Variants in DIXDC1 observed in about 807,000 individuals in gnomAD.
DIXDC1 encodes dixin.
Under a neutral mutation model 103.1 loss-of-function variants are expected in DIXDC1, and 64 were observed. That is an observed-to-expected ratio of 0.62 (90% confidence interval 0.51 to 0.76). The LOEUF (loss-of-function observed/expected upper bound fraction) is 0.76. Ranked by LOEUF, DIXDC1 falls within the 30% of genes least tolerant of loss-of-function variation. DIXDC1 has a pLI of 0.00. For missense variants in DIXDC1, 759 were observed against 834.2 expected (o/e 0.91, Z 1.11); for synonymous variants, 266 against 298.5 (o/e 0.89, Z 1.12).
intron 3 of DIXDC1, among the ~76,000 whole-genome samples, chr11:111,971,744 ATATC>A (rs1322873178): frequency 6.6e-6 from 1 of 151,650 alleles, no homozygotes; most frequent in Admixed American, 6.6e-5. Flanking sequence ...ATCTATATCT[ATATC>A]TATATCTATA....
chr11:112,022,395 G>A lies in DIXDC1; in HGVS notation c.*3359G>A, dbSNP rs1555178604. On this transcript the variant is annotated 3_prime_UTR_variant, in exon 20 of 20. Transcript: ENST00000440460. The surrounding 1 kb of genome is among the most constrained non-coding windows in gnomAD (Gnocchi z 4.9). ...TTTCTTAGAAACATGGATGTTTACA[G>A]CCATTGCTTTCAAAGAGATTATTAC... is the stretch of plus-strand genomic sequence containing the variant. The A allele has an allele frequency of 1.3e-5, 2 of 152,592 alleles. No homozygotes were observed. The highest frequency in any genetic ancestry group is 1.9e-4 in the East Asian group (1 of 5,186). The allele number at this position is 152,592 out of a possible 1,614,324, so 9.5% of individuals were successfully genotyped here.
chr11:111,977,226 A>G lies in DIXDC1; in HGVS notation c.656+2243A>G. 3.1e-6 allele frequency: 3 copies of G among 983,224 alleles called. No individual in the cohort carries two copies. Among genetic ancestry groups the G allele is most frequent in the Non-Finnish European group, 3.6e-6 (3 of 830,838 alleles). The allele number at this position is 983,224 out of a possible 1,614,324, so 60.9% of individuals were successfully genotyped here. On this transcript the variant is annotated intron_variant, in intron 5 of 19. Transcript: ENST00000440460. The surrounding 1 kb of genome is among the most constrained non-coding windows in gnomAD (Gnocchi z 6.1). ...CTCCGTCCAGAGCGGTCGGTTGGCC[A>G]GCGGAGCTGGCTTGGGTCGGAGCCC...
intron 10 of DIXDC1, 111 bp downstream of exon 10, chr11:111,989,166 A>G: frequency 2.4e-6 from 2 of 822,358 alleles, no homozygotes; most frequent in Non-Finnish European, 3.6e-6. Flanking sequence ...GCTCTGTGCT[A>G]TTGGTAAAGA....
At chr11:111,996,778 A>T (rs1555175443) in intron 17 of DIXDC1, among the ~76,000 whole-genome samples, 1 of 152,206 alleles carries the variant, frequency 6.6e-6, no homozygotes, top group African/African-American at 2.4e-5. Flanking sequence ...TGAACCCAGG[A>T]GGTGGAGGTT....
At chr11:111,992,563 C>A in intron 11 of DIXDC1, 44 bp downstream of exon 11, 1 of 1,492,436 alleles carries the variant, frequency 6.7e-7, no homozygotes, top group Non-Finnish European at 9.1e-7. Context: ...GCCCCATTAG[C>A]AGAACAGGCT....
intron 1 of DIXDC1, among the ~76,000 whole-genome samples, chr11:111,953,462 C>A (rs1473735355): frequency 6.6e-6 from 1 of 152,048 alleles, no homozygotes. Context: ...CATGGTGAAA[C>A]CCCGTCTCTA....
In DIXDC1 at chr11:111,977,786, A is replaced by C. The variant is rs782729155; in HGVS notation, c.656+2803A>C. 11 of 1,565,510 alleles carry C rather than the reference A, an allele frequency of 7.0e-6. No individual in the cohort carries two copies. The Admixed American group carries it at 2.1e-4, about 30-fold the overall frequency. ...GGAGGGGGACCATGGGAGGGACGCA[A>C]GTCAAATGGTGAGCTGAAGCCACTC... On this transcript the variant is annotated intron_variant, in intron 5 of 19. Coordinates refer to ENST00000440460, the MANE Select transcript of DIXDC1 (RefSeq NM_001037954.4). The surrounding 1 kb of genome is among the most constrained non-coding windows in gnomAD (Gnocchi z 6.1).
At chr11:112,006,830 A>G (rs1000843188) in intron 17 of DIXDC1, among the ~76,000 whole-genome samples, 1 of 152,224 alleles carries the variant, frequency 6.6e-6, no homozygotes, top group African/African-American at 2.4e-5. Context: ...CCAAAGGTAG[A>G]TAAAACCACA....
chr11:111,929,560 G>A (rs369933546), intron 1 of DIXDC1, among the ~76,000 whole-genome samples: 5 of 145,232 alleles, frequency 3.4e-5, no homozygotes, highest in African/African-American at 1.0e-4. Context: ...TCCAGCCTGA[G>A]TGCCGGAGTG....
intron 9 of DIXDC1, among the ~76,000 whole-genome samples, chr11:111,987,726 C>T (rs1279055988): frequency 6.6e-6 from 1 of 151,250 alleles, no homozygotes; most frequent in Non-Finnish European, 1.5e-5. Flanking sequence ...ATGGTGCAGC[C>T]TCAGCTCACT....
intron 2 of DIXDC1, among the ~76,000 whole-genome samples, chr11:111,967,805 AT>A (rs781920231): frequency 2.6e-5 from 4 of 152,188 alleles, no homozygotes; most frequent in Admixed American, 6.5e-5. Context: ...TTGGCTGCTC[AT>A]TACACTTAGG....
intron 1 of DIXDC1, chr11:111,945,795 G>A (rs1301705655): frequency 1.3e-5 from 2 of 152,382 alleles, no homozygotes; most frequent in African/African-American, 4.8e-5. Flanking sequence ...TTGAGACAGA[G>A]TCTTGCTCTG....
chr11:111,929,766 T>TG (rs1555167468), intron 1 of DIXDC1: 19 of 1,281,708 alleles, frequency 1.5e-5, no homozygotes, highest in Non-Finnish European at 2.0e-5. Flanking sequence ...AGCTTTAAAT[T>TG]TTTTTTTTCC....
upstream of DIXDC1, among the ~76,000 whole-genome samples, chr11:111,932,374 T>C (rs1966052638): frequency 6.6e-6 from 1 of 151,362 alleles, no homozygotes; most frequent in African/African-American, 2.4e-5. Context: ...ATTTTAAAAC[T>C]TCATGTGAAA....
At chr11:111,980,708 C>T (rs587681755) in intron 5 of DIXDC1, 29 bp from the exon 6 acceptor site, 22 of 1,569,218 alleles carry the variant, frequency 1.4e-5, no homozygotes, top group South Asian at 3.4e-5. Context: ...TCATAATAAT[C>T]GTTTTTCTTC....
rs1369254139 is a variant in DIXDC1, at chr11:112,021,658, T to C, written c.*2622T>C. On this transcript the variant is annotated 3_prime_UTR_variant, in exon 20 of 20. Coordinates refer to ENST00000440460, the MANE Select transcript of DIXDC1 (RefSeq NM_001037954.4). Reference sequence around the variant, plus strand: ...GACCATCTCACAAAAACGAGTTTAGTTGAATGCTCAATTCCTTACAAAATC... The same window carrying C: ...GACCATCTCACAAAAACGAGTTTAGCTGAATGCTCAATTCCTTACAAAATC... The C allele has an allele frequency of 1.3e-5, 2 of 152,214 alleles. No individual in the cohort carries two copies. Among genetic ancestry groups the C allele is most frequent in the African/African-American group, 4.8e-5 (2 of 41,448 alleles). 9.4% of individuals were successfully genotyped at this position (152,214 alleles called of 1,614,324 possible).
chr11:111,957,679 G>C (rs782288165), intron 1 of DIXDC1, among the ~76,000 whole-genome samples: 4 of 152,234 alleles, frequency 2.6e-5, no homozygotes, highest in Non-Finnish European at 5.9e-5. Context: ...AAATTGTCAA[G>C]GTCATGAAAG....
intron 2 of DIXDC1, among the ~76,000 whole-genome samples, chr11:111,966,969 GATAACGCCCTTC>G (rs1859760355): frequency 6.6e-6 from 1 of 152,030 alleles, no homozygotes; most frequent in African/African-American, 2.4e-5. Context: ...TGACATAGTT[GATAACGCCCTTC>G]TCTTCAAACA....
intron 7 of DIXDC1, among the ~76,000 whole-genome samples, 190 bp from the exon 8 acceptor site, chr11:111,985,042 G>A (rs1401009839): frequency 6.6e-6 from 1 of 152,214 alleles, no homozygotes; most frequent in Non-Finnish European, 1.5e-5. Flanking sequence ...AAGAGCCAGA[G>A]CATGGACCTA....
Sources: allele counts gnomAD v4.1 joint callset (sites outside exome capture counted in the v4.1 genomes callset), GRCh38; gene constraint gnomAD v4.1.1; non-coding constraint Gnocchi (gnomAD v3.1); transcripts MANE v1.5; gene names NCBI Gene and HGNC (gene_info 2026-07-23, HGNC 2026-07-21).